Variants in ANO3 observed in about 807,000 individuals in gnomAD.
ANO3 encodes the protein anoctamin 3, also known as anoctamin-3.
In ANO3, 99 loss-of-function variants were observed where a neutral mutation model predicts 144.8. The ratio of observed to expected loss-of-function variants is 0.68; its 90% CI spans 0.58 to 0.81. The LOEUF is 0.81. ANO3 is among the 30% of genes least tolerant of loss of function. The probability of loss-of-function intolerance (pLI) is 0.00; values close to 1 mark genes in which losing one functional copy is unlikely to be tolerated. For synonymous variants in ANO3, 414 were observed against 392.6 expected (o/e 1.05, Z -0.64); for missense variants, 905 against 1,202.2 (o/e 0.75, Z 3.66).
chr11:26,343,363 G>A (rs1358058674), intron 1 of ANO3, among the ~76,000 whole-genome samples: 1 of 152,212 alleles, frequency 6.6e-6, no homozygotes, highest in Non-Finnish European at 1.5e-5. Context: ...ACATGGGAAT[G>A]CTGATATCAA....
chr11:26,296,668 C>G (rs1246188506), intron 1 of ANO3, among the ~76,000 whole-genome samples: 3 of 152,160 alleles, frequency 2.0e-5, no homozygotes, highest in Non-Finnish European at 4.4e-5. Flanking sequence ...ATGGGAGATA[C>G]TTCTATTATA....
intron 14 of ANO3, among the ~76,000 whole-genome samples, chr11:26,593,064 A>C (rs1344796219): frequency 6.6e-6 from 1 of 151,730 alleles, no homozygotes; most frequent in Admixed American, 6.6e-5. Context: ...CTTTCTGATG[A>C]CCCTGGAAGT....
At chr11:26,437,617 A>G (rs1858341006) in intron 1 of ANO3, among the ~76,000 whole-genome samples, 1 of 93,468 alleles carries the variant, frequency 1.1e-5, no homozygotes, top group Non-Finnish European at 2.1e-5. Flanking sequence ...ATTTCTTTCC[A>G]CGAGAGTGGG....
intron 1 of ANO3, among the ~76,000 whole-genome samples, chr11:26,266,601 A>G (rs573399160): frequency 6.6e-6 from 1 of 151,250 alleles, no homozygotes; most frequent in Admixed American, 6.6e-5. Context: ...ACCCCGGCTA[A>G]TTTTTGTATT....
At chr11:26,601,652 A>G (rs1851803241) in intron 17 of ANO3, among the ~76,000 whole-genome samples, 1 of 152,220 alleles carries the variant, frequency 6.6e-6, no homozygotes, top group African/African-American at 2.4e-5. Context: ...TTCAGCACAG[A>G]CACTGTAGAT....
Position 26,326,074 on chromosome 11 carries a change from A to G in ANO3, c.-3+16355A>G, listed in dbSNP as rs72876913. On this transcript the variant is annotated intron_variant, in intron 1 of 26. Transcript: ENST00000525139. Reference sequence around the variant, plus strand: ...CAAGTGCTGATTTTTTTCAGTTTCAAATCTGTGTTATTATTGGATTAAAAT... The same window carrying G: ...CAAGTGCTGATTTTTTTCAGTTTCAGATCTGTGTTATTATTGGATTAAAAT... Among the ~76,000 whole-genome samples the G allele has an allele frequency of 8.5e-3, 1,289 of 152,292 alleles. 9 individuals carry two copies. Among genetic ancestry groups the G allele is most frequent in the Non-Finnish European group, 0.012 (835 of 68,012 alleles).
At chr11:26,567,212 G>T in intron 14 of ANO3, 1 of 974,930 alleles carries the variant, frequency 1.0e-6, no homozygotes, top group Non-Finnish European at 1.4e-6. Flanking sequence ...AAAATTTGCA[G>T]TGCTTTTAAT....
chr11:26,246,908 T>C (rs1282944407), intron 1 of ANO3, among the ~76,000 whole-genome samples: 2 of 152,220 alleles, frequency 1.3e-5, no homozygotes, highest in Non-Finnish European at 2.9e-5. Context: ...TCCTCAGCCA[T>C]GTGGAACTGT....
intron 17 of ANO3, among the ~76,000 whole-genome samples, chr11:26,604,264 G>A (rs1017569724): frequency 1.3e-5 from 2 of 152,072 alleles, no homozygotes; most frequent in Non-Finnish European, 2.9e-5. Flanking sequence ...CTGTTCCATT[G>A]GTGTATATGA....
intron 14 of ANO3, among the ~76,000 whole-genome samples, chr11:26,592,184 C>T (rs1289305988): frequency 2.6e-5 from 4 of 152,116 alleles, no homozygotes; most frequent in Non-Finnish European, 5.9e-5. Context: ...TGGACTAAGT[C>T]ACACTTTTGG....
chr11:26,317,848 GGA>G (rs1263978323), intron 1 of ANO3, among the ~76,000 whole-genome samples: 1 of 152,088 alleles, frequency 6.6e-6, no homozygotes, highest in Admixed American at 6.6e-5. Context: ...GCAAAGACTT[GGA>G]ACCAACCCAA....
intron 1 of ANO3, among the ~76,000 whole-genome samples, chr11:26,205,684 C>A (rs956624254): frequency 6.6e-6 from 1 of 152,078 alleles, no homozygotes; most frequent in South Asian, 2.1e-4. Context: ...ATATACCTGG[C>A]TTTTAAGCAT....
intron 13 of ANO3, among the ~76,000 whole-genome samples, chr11:26,558,416 T>C (rs11828186): frequency 0.2 from 31,083 of 152,064 alleles, 3,207 homozygotes; most frequent in South Asian, 0.26. Context: ...GGTGTCTCTG[T>C]GGGACGTCTT....
upstream of ANO3, chr11:26,331,675 G>A (rs960249875): frequency 2.0e-5 from 3 of 152,414 alleles, no homozygotes; most frequent in African/African-American, 7.2e-5. Flanking sequence ...CAAGTGAAAA[G>A]TGCTAGACAT....
At chr11:26,445,903 C>T (rs748026008) in intron 3 of ANO3, among the ~76,000 whole-genome samples, 47 of 152,060 alleles carry the variant, frequency 3.1e-4, no homozygotes, top group Non-Finnish European at 5.1e-4. Context: ...GCGATCTCAG[C>T]TCACTGCAAC....
rs1853399332 is a variant in ANO3, at chr11:26,647,841, T to G, written c.2561T>G (p.Val854Gly). 1.9e-6 allele frequency: 3 copies of G among 1,609,480 alleles called. No homozygotes were observed. The highest frequency in any genetic ancestry group is 2.5e-6 in the Non-Finnish European group (3 of 1,177,574). The stretch of plus-strand genomic sequence containing the variant: ...AAATATGGCCCCTGTGCAAATCATG[T>G]AGAACCAAGTGAAAAGTAAGGTTTA... ...EYKYGPCANH[V>G]EPSENCLKGY... The change falls in exon 24 of 27, where the codon GTA (valine) becomes GGA (glycine). Residue 854 changes from valine to glycine, a missense_variant. By Grantham distance (109) the Val-to-Gly change is moderately radical (BLOSUM62 -3). This residue lies in a region of ANO3 where 597 missense variants were observed against 865.1 expected (regional missense o/e 0.69). Transcript: ENST00000256737.
chr11:26,362,018 T>C (rs1855941182), intron 1 of ANO3, among the ~76,000 whole-genome samples: 1 of 152,188 alleles, frequency 6.6e-6, no homozygotes, highest in Non-Finnish European at 1.5e-5. Context: ...CCATTTCCCA[T>C]TTCCTCTTTT....
At chr11:26,597,108 G>A (rs293962) in intron 14 of ANO3, among the ~76,000 whole-genome samples, 135,265 of 152,190 alleles carry the variant, frequency 0.89, 60,234 homozygotes, top group East Asian at 0.96. Flanking sequence ...AAGTGGTTCA[G>A]TATTACTCAC....
intron 8 of ANO3, among the ~76,000 whole-genome samples, chr11:26,533,809 G>A (rs779054910): frequency 4.6e-5 from 7 of 152,298 alleles, no homozygotes; most frequent in South Asian, 2.1e-4. Flanking sequence ...TCAGGACTAC[G>A]TGCTTGACAC....
Sources: allele counts gnomAD v4.1 joint callset (sites outside exome capture counted in the v4.1 genomes callset), GRCh38; gene constraint gnomAD v4.1.1; regional missense constraint gnomAD v4.1.1; transcripts MANE v1.5; gene names NCBI Gene and HGNC (gene_info 2026-07-23, HGNC 2026-07-21).